Variants in PTPRQ observed in about 807,000 individuals in gnomAD.
PTPRQ encodes the protein protein tyrosine phosphatase receptor type Q.
Under a neutral mutation model 246.0 loss-of-function variants are expected in PTPRQ, and 199 were observed. The ratio of observed to expected loss-of-function variants is 0.81; its 90% CI spans 0.72 to 0.91. The LOEUF is 0.91. Ranked by LOEUF, PTPRQ falls within the 40% of genes least tolerant of loss-of-function variation. The pLI, the probability that PTPRQ is intolerant of heterozygous loss-of-function variation, is 0.00. For synonymous variants in PTPRQ, 869 were observed against 853.2 expected, an observed-to-expected ratio of 1.02 and a Z score of -0.32; for missense variants, 2,624 against 2,528.4, an observed-to-expected ratio of 1.04 and a Z score of -0.81.
intron 24 of PTPRQ, 106 bp downstream of exon 24, chr12:80,546,803 A>G: frequency 7.4e-7 from 1 of 1,359,418 alleles, no homozygotes; most frequent in East Asian, 2.5e-5. Context: ...GAGTCTACTC[A>G]AAGGGAAATT....
chr12:80,581,612 G>A (rs1352464024), intron 25 of PTPRQ, among the ~76,000 whole-genome samples: 2 of 151,966 alleles, frequency 1.3e-5, no homozygotes, highest in Non-Finnish European at 2.9e-5. Context: ...TCCAGCCTCA[G>A]CAACAGAGTA....
At chr12:80,496,585 A>G in intron 14 of PTPRQ, 54 bp downstream of exon 14, 1 of 1,495,576 alleles carries the variant, frequency 6.7e-7, no homozygotes, top group Non-Finnish European at 8.9e-7. Context: ...ATAGTAAGCA[A>G]AGCTGATAAT....
chr12:80,574,488 C>T (rs1449444389), intron 25 of PTPRQ, among the ~76,000 whole-genome samples: 1 of 151,896 alleles, frequency 6.6e-6, no homozygotes, highest in African/African-American at 2.4e-5. Flanking sequence ...TTCCTCTGTT[C>T]TTGCTTTCTT....
chr12:80,478,027 A>C (rs775949604), intron 8 of PTPRQ, among the ~76,000 whole-genome samples: 325 of 152,340 alleles, frequency 2.1e-3, no homozygotes, highest in African/African-American at 5.9e-3. Context: ...TGGAGCCCAC[A>C]ACAGCTCAAG....
intron 35 of PTPRQ, among the ~76,000 whole-genome samples, chr12:80,641,915 C>T (rs570418671): frequency 5.3e-5 from 8 of 151,488 alleles, no homozygotes; most frequent in South Asian, 2.1e-4. Context: ...CTCTTTCTCT[C>T]CCTCCTTCCC....
chr12:80,477,950 G>A (rs1218307918), intron 8 of PTPRQ, among the ~76,000 whole-genome samples: 1 of 152,244 alleles, frequency 6.6e-6, no homozygotes, highest in Non-Finnish European at 1.5e-5. Context: ...GCGAAGCTGG[G>A]TGAGGGGCGC....
At chr12:80,445,232 T>C (rs989413876) in intron 2 of PTPRQ, among the ~76,000 whole-genome samples, 4 of 151,934 alleles carry the variant, frequency 2.6e-5, no homozygotes, top group African/African-American at 7.2e-5. Flanking sequence ...TGAATTTCTT[T>C]TAAAAATGAT....
intron 38 of PTPRQ, among the ~76,000 whole-genome samples, chr12:80,656,133 A>T (rs762607583): frequency 1.3e-5 from 2 of 152,140 alleles, no homozygotes; most frequent in Non-Finnish European, 2.9e-5. Flanking sequence ...GATCATATAA[A>T]ATTCTATATT....
At chr12:80,575,125 A>G (rs1164004991) in intron 25 of PTPRQ, among the ~76,000 whole-genome samples, 2 of 152,220 alleles carry the variant, frequency 1.3e-5, no homozygotes, top group Non-Finnish European at 2.9e-5. Flanking sequence ...TTTTTGCCCA[A>G]AATATGAATC....
At chr12:80,481,791 T>A (rs1271889044) in intron 8 of PTPRQ, among the ~76,000 whole-genome samples, 1 of 151,944 alleles carries the variant, frequency 6.6e-6, no homozygotes. Context: ...TCAAAGAGAA[T>A]AAAATACCTA....
At chr12:80,541,923 CTT>C (rs1592633518) in intron 21 of PTPRQ, 78 bp downstream of exon 21, 5 of 1,464,216 alleles carry the variant, frequency 3.4e-6, no homozygotes, top group Non-Finnish European at 4.5e-6. Flanking sequence ...AGGAAATAGT[CTT>C]CAATTATATT....
chr12:80,619,127 A>G (rs975107128), intron 30 of PTPRQ, among the ~76,000 whole-genome samples: 1 of 151,548 alleles, frequency 6.6e-6, no homozygotes, highest in African/African-American at 2.4e-5. Context: ...TGAATTTTTA[A>G]TATGCAAAGA....
At chr12:80,572,629 A>T (rs1897176944) in intron 25 of PTPRQ, among the ~76,000 whole-genome samples, 1 of 152,138 alleles carries the variant, frequency 6.6e-6, no homozygotes, top group South Asian at 2.1e-4. Context: ...ATCATTTTAT[A>T]TGATATTGGC....
intron 39 of PTPRQ, among the ~76,000 whole-genome samples, chr12:80,663,739 C>A (rs1301052116): frequency 4.6e-5 from 7 of 151,838 alleles, no homozygotes; most frequent in African/African-American, 1.7e-4. Context: ...TTCCACATGA[C>A]CTCATCACTT....
chr12:80,445,418 ACT>A (rs1187533524), intron 2 of PTPRQ, 71 bp from the exon 3 acceptor site: 1 of 914,978 alleles, frequency 1.1e-6, no homozygotes, highest in East Asian at 2.6e-5. Context: ...ATTTATAAAT[ACT>A]GTTATTATGT....
In PTPRQ at chr12:80,616,267, G is replaced by A; in HGVS notation, c.5230+1G>A. ...ATGAGAATAACCATGGATATCAAAGGTACATACATGAGCTACCTTCCTATG... is the reference window on the plus strand; with the variant it reads ...ATGAGAATAACCATGGATATCAAAGATACATACATGAGCTACCTTCCTATG... On this transcript the variant is annotated splice_donor_variant, in intron 30 of 44. Transcript: ENST00000644991. LOFTEE classifies it high-confidence loss of function. The A allele has an allele frequency of 6.8e-7, 1 of 1,473,612 alleles. No individual in the cohort carries two copies. Among genetic ancestry groups the A allele is most frequent in the Non-Finnish European group, 9.0e-7 (1 of 1,110,742 alleles). 91.3% of individuals were successfully genotyped at this position (1,473,612 alleles called of 1,614,324 possible). A position where few individuals can be genotyped will look rare whatever the true frequency, so the allele number is the denominator to read the frequency against.
chr12:80,585,839 C>T (rs1387455109), intron 25 of PTPRQ, among the ~76,000 whole-genome samples: 4 of 149,188 alleles, frequency 2.7e-5, no homozygotes, highest in Non-Finnish European at 4.5e-5. Flanking sequence ...CCCACTAACT[C>T]GTCATCTAGC....
intron 25 of PTPRQ, among the ~76,000 whole-genome samples, chr12:80,582,350 G>C (rs1897467916): frequency 6.6e-6 from 1 of 152,132 alleles, no homozygotes; most frequent in Admixed American, 6.5e-5. Flanking sequence ...TGACCTGTCT[G>C]TATAACAAAT....
intron 17 of PTPRQ, among the ~76,000 whole-genome samples, chr12:80,528,607 A>C (rs1214288015): frequency 6.6e-6 from 1 of 152,108 alleles, no homozygotes; most frequent in African/African-American, 2.4e-5. Context: ...CCTTTGCTAA[A>C]TCTCACTCAT....
Sources: allele counts gnomAD v4.1 joint callset (sites outside exome capture counted in the v4.1 genomes callset), GRCh38; gene constraint gnomAD v4.1.1; transcripts MANE v1.5; gene names NCBI Gene and HGNC (gene_info 2026-07-23, HGNC 2026-07-21).